RNF17: variants seen among roughly 807,000 people sequenced by gnomAD.
RNF17 encodes ring finger protein 17.
A neutral mutation model predicts 200.5 loss-of-function variants in RNF17; 31 were observed. The ratio of observed to expected loss-of-function variants is 0.15; its 90% CI spans 0.12 to 0.21. The LOEUF is 0.21. Among genes scored for constraint, RNF17 ranks in the 10% least tolerant of loss-of-function variants. The pLI is 1.00. For synonymous variants in RNF17, 606 were observed against 637.8 expected (o/e 0.95, Z 0.75); for missense variants, 1,628 against 1,905.1 (o/e 0.85, Z 2.71).
At chr13:24,855,878 G>A (rs945331796) in intron 25 of RNF17, among the ~76,000 whole-genome samples, 8 of 152,128 alleles carry the variant, frequency 5.3e-5, no homozygotes, top group East Asian at 3.9e-4. Flanking sequence ...TATTTGAGTC[G>A]TTTGTATTTC....
rs1357590640 is a variant in RNF17, at chr13:24,780,894, T to A, written c.511-950T>A. On this transcript the variant is annotated intron_variant, in intron 5 of 35. Coordinates refer to ENST00000255324, the MANE Select transcript of RNF17 (RefSeq NM_031277.3). ...AAAACTCCGTTTCCAAAAAAAAAAATTAAAAATTAATAAAAATTAAAATCT... is the reference window on the plus strand; with the variant it reads ...AAAACTCCGTTTCCAAAAAAAAAAAATAAAAATTAATAAAAATTAAAATCT... 4.1e-5 allele frequency among the ~76,000 whole-genome samples: 6 copies of A among 147,954 alleles called. No homozygotes were observed. In the South Asian group the frequency reaches 6.3e-4, roughly 15 times the overall value.
chr13:24,874,570 G>A (rs772640751), intron 33 of RNF17, among the ~76,000 whole-genome samples: 11 of 151,840 alleles, frequency 7.2e-5, no homozygotes, highest in Admixed American at 2.0e-4. Flanking sequence ...CCACCATCCC[G>A]GCTAATTTTT....
chr13:24,838,130 G>C (rs1235108100), intron 18 of RNF17, among the ~76,000 whole-genome samples: 2 of 152,062 alleles, frequency 1.3e-5, no homozygotes, highest in Non-Finnish European at 2.9e-5. Context: ...AACCCTCCTA[G>C]CTTAAATCAG....
chr13:24,773,893 CCTT>C (rs1287643734), intron 2 of RNF17, among the ~76,000 whole-genome samples: 2 of 152,016 alleles, frequency 1.3e-5, no homozygotes, highest in Admixed American at 6.6e-5. Flanking sequence ...TTTCCTTCTG[CCTT>C]CTTCATTTTT....
intron 25 of RNF17, among the ~76,000 whole-genome samples, chr13:24,855,114 C>G (rs980785271): frequency 1.3e-5 from 2 of 152,006 alleles, no homozygotes; most frequent in Non-Finnish European, 2.9e-5. Flanking sequence ...TCAAACTGTT[C>G]GAGATTTGTC....
chr13:24,782,054 A>G lies in RNF17; in HGVS notation c.611+110A>G, dbSNP rs1882453413. Reference sequence around the variant, plus strand: ...TGGGTAACTTTTAAACAAGTTTGTAATGGGTAACTTTCAAACAAGTTTGGA... The same window carrying G: ...TGGGTAACTTTTAAACAAGTTTGTAGTGGGTAACTTTCAAACAAGTTTGGA... On this transcript the variant is annotated intron_variant, in intron 6 of 35. Coordinates refer to ENST00000255324, the MANE Select transcript of RNF17 (RefSeq NM_031277.3). The G allele has an allele frequency of 9.6e-6, 7 of 729,156 alleles. No individual in the cohort carries two copies. In the South Asian group the frequency reaches 1.1e-4, roughly 12 times the overall value. 45.2% of individuals were successfully genotyped at this position (729,156 alleles called of 1,614,324 possible).
downstream of RNF17, chr13:24,884,103 A>G: frequency 6.2e-7 from 1 of 1,610,856 alleles, no homozygotes; most frequent in South Asian, 1.1e-5. Context: ...AAGTTGTTAC[A>G]GTAAATATTT....
At chr13:24,819,004 A>G in intron 15 of RNF17, among the ~76,000 whole-genome samples, 1 of 151,924 alleles carries the variant, frequency 6.6e-6, no homozygotes, top group Non-Finnish European at 1.5e-5. Context: ...TTTTCTTTTT[A>G]GTATGATGTA....
intron 2 of RNF17, among the ~76,000 whole-genome samples, chr13:24,772,908 G>A (rs558045618): frequency 6.6e-6 from 1 of 152,042 alleles, no homozygotes; most frequent in Non-Finnish European, 1.5e-5. Context: ...ACCGCCCCTG[G>A]TCGTGAACAG....
intron 17 of RNF17, among the ~76,000 whole-genome samples, 184 bp from the exon 18 acceptor site, chr13:24,831,674 C>T (rs1343644991): frequency 6.6e-6 from 1 of 152,162 alleles, no homozygotes; most frequent in Non-Finnish European, 1.5e-5. Context: ...AAATACTGTG[C>T]TGATTTCAAT....
upstream of RNF17, among the ~76,000 whole-genome samples, chr13:24,760,297 C>A (rs559878384): frequency 6.6e-6 from 1 of 151,938 alleles, no homozygotes; most frequent in Non-Finnish European, 1.5e-5. Context: ...CATTATCCAA[C>A]GGGGAAAATA....
intron 22 of RNF17, among the ~76,000 whole-genome samples, chr13:24,849,782 T>A (rs1397070515): frequency 1.3e-5 from 2 of 152,236 alleles, no homozygotes; most frequent in African/African-American, 4.8e-5. Context: ...AATCAGTAAT[T>A]AAAATTTCTG....
chr13:24,801,812 T>C (rs1885274758), intron 13 of RNF17, among the ~76,000 whole-genome samples: 1 of 152,074 alleles, frequency 6.6e-6, no homozygotes, highest in African/African-American at 2.4e-5. Flanking sequence ...TGAATACTTA[T>C]TTCTTTCATT....
intron 30 of RNF17, among the ~76,000 whole-genome samples, 161 bp from the exon 31 acceptor site, chr13:24,868,439 C>CCCG (rs1397258033): frequency 3.4e-5 from 4 of 116,088 alleles, no homozygotes; most frequent in Non-Finnish European, 5.0e-5. Flanking sequence ...CACTGCACTC[C>CCCG]AGCCTGGGCG....
intron 9 of RNF17, among the ~76,000 whole-genome samples, chr13:24,792,570 C>T (rs1884005690): frequency 6.6e-6 from 1 of 152,144 alleles, no homozygotes; most frequent in Admixed American, 6.6e-5. Context: ...ATTTAGATTG[C>T]AAGGTCGTGT....
intron 2 of RNF17, 121 bp downstream of exon 2, chr13:24,767,487 C>A (rs576082402): frequency 1.6e-6 from 1 of 632,276 alleles, no homozygotes; most frequent in Non-Finnish European, 2.8e-6. Context: ...TGGTGGCTGA[C>A]GCCTGTAATC....
At chr13:24,839,613 CAAA>C (rs1218928881) in intron 18 of RNF17, among the ~76,000 whole-genome samples, 1 of 151,962 alleles carries the variant, frequency 6.6e-6, no homozygotes, top group East Asian at 1.9e-4. Context: ...ACAAGGCAAA[CAAA>C]AACATAAAGT....
chr13:24,802,169 A>G (rs952830571), intron 13 of RNF17, among the ~76,000 whole-genome samples: 10 of 151,970 alleles, frequency 6.6e-5, no homozygotes, highest in Non-Finnish European at 1.2e-4. Flanking sequence ...TATTTTTTGT[A>G]GAGACAGGGT....
chr13:24,851,207 T>C (rs1184381595), intron 23 of RNF17, among the ~76,000 whole-genome samples: 1 of 152,240 alleles, frequency 6.6e-6, no homozygotes, highest in Non-Finnish European at 1.5e-5. Flanking sequence ...TTGGTCAGGC[T>C]GGTCTCAAAC....
Sources: gnomAD v4.1 joint callset for allele counts (sites outside exome capture counted in the v4.1 genomes callset) on GRCh38, gnomAD v4.1.1 for gene constraint, MANE v1.5 for transcripts, NCBI Gene and HGNC (gene_info 2026-07-23, HGNC 2026-07-21) for gene names.